The following ICA1L variants were observed in gnomAD, a reference collection of about 807,000 sequenced individuals.
ICA1L encodes islet cell autoantigen 1 like, also known as islet cell autoantigen 1-like protein.
Under a neutral mutation model 61.3 loss-of-function variants are expected in ICA1L, and 50 were observed. The observed-to-expected ratio is 0.82, with a 90% confidence interval of 0.65 to 1.03. ICA1L has a LOEUF of 1.03. Among genes scored for constraint, ICA1L ranks in the 50% least tolerant of loss-of-function variants. The probability of loss-of-function intolerance (pLI) is 0.00; values close to 1 mark genes in which losing one functional copy is unlikely to be tolerated. For synonymous variants in ICA1L, 161 were observed against 191.3 expected, an observed-to-expected ratio of 0.84 and a Z score of 1.31; for missense variants, 508 against 556.7, an observed-to-expected ratio of 0.91 and a Z score of 0.88.
chr2:202,804,210 C>T (rs1693166065), intron 9 of ICA1L, among the ~76,000 whole-genome samples: 1 of 152,298 alleles, frequency 6.6e-6, no homozygotes, highest in Admixed American at 6.5e-5. Flanking sequence ...GCAACTTCCT[C>T]TTTTCCTATA....
intron 9 of ICA1L, 148 bp downstream of exon 9, chr2:202,811,598 C>T: frequency 1.8e-6 from 1 of 546,050 alleles, no homozygotes; most frequent in Non-Finnish European, 3.2e-6. Flanking sequence ...GGAGGCAGAG[C>T]TTGCAGTGAG....
intron 5 of ICA1L, 33 bp downstream of exon 5, chr2:202,819,666 TAC>T: frequency 6.8e-7 from 1 of 1,475,838 alleles, no homozygotes; most frequent in Non-Finnish European, 9.5e-7. Flanking sequence ...TCATATTTCA[TAC>T]ACCAAGAAAA....
At chr2:202,839,969 C>A (rs192898714) in intron 1 of ICA1L, among the ~76,000 whole-genome samples, 6 of 151,964 alleles carry the variant, frequency 3.9e-5, no homozygotes, top group African/African-American at 1.4e-4. Flanking sequence ...ACACTTTACC[C>A]TGCCTGACAT....
At chr2:202,822,793 C>T (rs1242029680) in intron 3 of ICA1L, among the ~76,000 whole-genome samples, 3 of 152,190 alleles carry the variant, frequency 2.0e-5, no homozygotes, top group African/African-American at 7.2e-5. Context: ...CTCCCCACTA[C>T]CCCTGTCCCC....
intron 9 of ICA1L, among the ~76,000 whole-genome samples, chr2:202,800,280 G>A (rs1361571013): frequency 6.6e-6 from 1 of 152,102 alleles, no homozygotes; most frequent in Non-Finnish European, 1.5e-5. Context: ...CACAGGAAAA[G>A]AAAGATCATA....
At chr2:202,794,415 T>C (rs904786023) in intron 10 of ICA1L, among the ~76,000 whole-genome samples, 2 of 151,628 alleles carry the variant, frequency 1.3e-5, no homozygotes, top group Admixed American at 1.3e-4. Context: ...TATGGATGGA[T>C]GCTTCCTTAA....
intron 6 of ICA1L, among the ~76,000 whole-genome samples, chr2:202,816,801 A>C (rs1693549703): frequency 6.6e-6 from 1 of 152,224 alleles, no homozygotes; most frequent in South Asian, 2.1e-4. Context: ...ATATATGTAA[A>C]AATCAATAGC....
intron 9 of ICA1L, among the ~76,000 whole-genome samples, chr2:202,805,693 T>C (rs966847718): frequency 6.6e-6 from 1 of 152,024 alleles, no homozygotes; most frequent in Non-Finnish European, 1.5e-5. Context: ...GTTGGTTTGC[T>C]AAAAGAATAA....
chr2:202,828,711 A>G (rs995394056), intron 2 of ICA1L, 137 bp downstream of exon 2: 40 of 745,436 alleles, frequency 5.4e-5, no homozygotes, highest in South Asian at 7.5e-5. Context: ...TGATTGACAG[A>G]TGGATACAAC....
At chr2:202,842,708 T>C (rs1694365623) in intron 1 of ICA1L, among the ~76,000 whole-genome samples, 2 of 152,220 alleles carry the variant, frequency 1.3e-5, no homozygotes, top group Admixed American at 1.3e-4. Context: ...TTTGGAAATT[T>C]TTCTGCTATT....
chr2:202,810,067 A>G (rs942792104), intron 9 of ICA1L, among the ~76,000 whole-genome samples: 10 of 152,220 alleles, frequency 6.6e-5, no homozygotes, highest in African/African-American at 2.2e-4. Context: ...CCAAAGGTCA[A>G]CGATAAAGAA....
rs1692136984 is a variant in ICA1L at position 202,774,049 on chromosome 2, CTTT to C, written c.*5481_*5483del. ...ACTAGCGCTGCTCCACTTCTTGCTTCTTTGATGTGTCATCCTAGCTGCCTAATA... is the reference window on the plus strand; with the variant it reads ...ACTAGCGCTGCTCCACTTCTTGCTTCGATGTGTCATCCTAGCTGCCTAATA... On this transcript the variant is annotated 3_prime_UTR_variant, in exon 13 of 13. Transcript: ENST00000358299. 1.1e-6 allele frequency: 1 copy of C among 929,508 alleles called. No homozygotes were observed. The highest frequency in any genetic ancestry group is 1.7e-5 in the African/African-American group (1 of 60,044). 57.6% of individuals were successfully genotyped at this position (929,508 alleles called of 1,614,324 possible).
At chr2:202,808,352 G>A (rs1014142543) in intron 9 of ICA1L, among the ~76,000 whole-genome samples, 12 of 152,044 alleles carry the variant, frequency 7.9e-5, no homozygotes, top group Non-Finnish European at 8.8e-5. Context: ...CTGCTGCAGG[G>A]AGAGACTCCT....
chr2:202,815,382 G>A (rs573661294), intron 7 of ICA1L, among the ~76,000 whole-genome samples: 10 of 152,182 alleles, frequency 6.6e-5, no homozygotes, highest in Admixed American at 5.2e-4. Context: ...CTGAAAATAT[G>A]GCAGAATGAA....
chr2:202,813,447 A>G (rs1693436958), intron 8 of ICA1L, among the ~76,000 whole-genome samples: 2 of 152,194 alleles, frequency 1.3e-5, no homozygotes, highest in Admixed American at 6.5e-5. Flanking sequence ...CTATAAGAGA[A>G]TACCTGAGAC....
intron 1 of ICA1L, among the ~76,000 whole-genome samples, chr2:202,851,345 CATT>C (rs1694614422): frequency 6.6e-6 from 1 of 152,132 alleles, no homozygotes; most frequent in African/African-American, 2.4e-5. Context: ...ATGAACTCAT[CATT>C]TTTTATGGCT....
At chr2:202,833,747 A>G (rs72932784) in intron 1 of ICA1L, among the ~76,000 whole-genome samples, 13,619 of 152,308 alleles carry the variant, frequency 0.089, 748 homozygotes, top group Non-Finnish European at 0.12. Flanking sequence ...AATATGGTAT[A>G]TATACTCAAT....
Position 202,775,990 on chromosome 2 carries a change from T to C in ICA1L, c.*3543A>G, listed in dbSNP as rs2036927. 0.73 allele frequency: 110,915 copies of C among 152,152 alleles called. 40,645 individuals are homozygous for C. The highest frequency in any genetic ancestry group is 0.83 in the South Asian group (3,996 of 4,830). 9.4% of individuals were successfully genotyped at this position (152,152 alleles called of 1,614,324 possible). On this transcript the variant is annotated 3_prime_UTR_variant, in exon 13 of 13. Coordinates refer to ENST00000358299, the MANE Select transcript of ICA1L (RefSeq NM_001288622.3). Reference sequence around the variant, plus strand: ...ACTCTTGTTTTATGCCTTCTTGCAATCTTTATTAAAAGAGGCTCAGAAAAA... The same window carrying C: ...ACTCTTGTTTTATGCCTTCTTGCAACCTTTATTAAAAGAGGCTCAGAAAAA...
intron 2 of ICA1L, among the ~76,000 whole-genome samples, chr2:202,828,103 A>G (rs1424487794): frequency 6.6e-6 from 1 of 152,116 alleles, no homozygotes; most frequent in Non-Finnish European, 1.5e-5. Flanking sequence ...TGTCTCTACT[A>G]AAAATACAAA....
Sources: gnomAD v4.1 joint callset for allele counts (sites outside exome capture counted in the v4.1 genomes callset) on GRCh38, gnomAD v4.1.1 for gene constraint, MANE v1.5 for transcripts, NCBI Gene and HGNC (gene_info 2026-07-23, HGNC 2026-07-21) for gene names.